SEZ6L: variants seen among roughly 807,000 people sequenced by gnomAD.
SEZ6L encodes seizure related 6 homolog like, also known as seizure 6-like protein.
A neutral mutation model predicts 106.2 loss-of-function variants in SEZ6L; 37 were observed. That is an observed-to-expected ratio of 0.35 (90% CI 0.27 to 0.46). SEZ6L has a LOEUF of 0.46. Ranked by LOEUF, SEZ6L falls within the 20% of genes least tolerant of loss-of-function variation. The pLI is 1.00. For synonymous variants in SEZ6L, 541 were observed against 570.4 expected, an observed-to-expected ratio of 0.95 and a Z score of 0.73; for missense variants, 1,172 against 1,332.8, an observed-to-expected ratio of 0.88 and a Z score of 1.88.
At chr22:26,218,920 G>A (rs943658060) in intron 1 of SEZ6L, among the ~76,000 whole-genome samples, 8 of 151,992 alleles carry the variant, frequency 5.3e-5, no homozygotes, top group East Asian at 1.9e-4. Flanking sequence ...CCTAGGCAAC[G>A]GAATGAGACT....
chr22:26,332,401 C>T (rs190247262), intron 9 of SEZ6L, among the ~76,000 whole-genome samples: 22 of 151,814 alleles, frequency 1.4e-4, no homozygotes, highest in African/African-American at 4.1e-4. Context: ...TCACTCACCT[C>T]GGCCTCCCAA....
intron 1 of SEZ6L, among the ~76,000 whole-genome samples, chr22:26,231,940 A>G (rs2207606): frequency 0.21 from 31,805 of 152,132 alleles, 3,653 homozygotes; most frequent in East Asian, 0.42. Flanking sequence ...CATGAGGGAC[A>G]TGCAAGTGGA....
intron 1 of SEZ6L, among the ~76,000 whole-genome samples, chr22:26,258,921 T>C (rs757797112): frequency 6.6e-6 from 1 of 152,156 alleles, no homozygotes; most frequent in Non-Finnish European, 1.5e-5. Context: ...AAAATCATCA[T>C]GGAAGGAGGA....
intron 1 of SEZ6L, among the ~76,000 whole-genome samples, chr22:26,277,201 C>T (rs1244158693): frequency 2.0e-5 from 3 of 151,212 alleles, no homozygotes. Flanking sequence ...TGGGCTCAAG[C>T]AATCCTCCCA....
chr22:26,343,216 C>T (rs2082899890), intron 10 of SEZ6L, among the ~76,000 whole-genome samples: 1 of 151,936 alleles, frequency 6.6e-6, no homozygotes, highest in Non-Finnish European at 1.5e-5. Flanking sequence ...CTGTCTCTCT[C>T]CTTAGACGTC....
chr22:26,349,105 A>G (rs951848451), intron 11 of SEZ6L, among the ~76,000 whole-genome samples: 6 of 152,138 alleles, frequency 3.9e-5, no homozygotes, highest in Non-Finnish European at 7.4e-5. Context: ...GTGGGCAAAT[A>G]AATTTGAATT....
Position 26,169,752 on chromosome 22 carries a change from C to G in SEZ6L, c.83C>G (p.Ala28Gly). Residue 28 changes from alanine (A) to glycine (G), a missense_variant, in exon 1 of 17, where the codon GCG becomes GGG. Around this residue, in one of 4 missense-constraint regions of SEZ6L, gnomAD observed 494 missense variants for 445.8 expected, o/e 1.11. Coordinates refer to ENST00000248933, the MANE Select transcript of SEZ6L (RefSeq NM_021115.5). ...LALLLGSPAA[A>G]LERDALPEGD... ...CTGCTCCTGGGGAGCCCGGCGGCAG[C>G]GCTGGAGCGAGGTAAGCGCCCCGAG... is the stretch of plus-strand genomic sequence containing the variant. The G allele has an allele frequency of 1.6e-6, 2 of 1,253,396 alleles. No individual in the cohort carries two copies. Among genetic ancestry groups the G allele is most frequent in the South Asian group, 3.2e-5 (1 of 31,508 alleles). The allele number at this position is 1,253,396 out of a possible 1,614,324, so 77.6% of individuals were successfully genotyped here.
intron 1 of SEZ6L, among the ~76,000 whole-genome samples, chr22:26,234,936 A>AG (rs2078913478): frequency 6.6e-6 from 1 of 152,202 alleles, no homozygotes; most frequent in Non-Finnish European, 1.5e-5. Flanking sequence ...TCAACAGGGT[A>AG]GAGATACCCC....
chr22:26,364,080 T>A lies in SEZ6L; in HGVS notation c.2600-1292T>A, dbSNP rs369710686. On this transcript the variant is annotated intron_variant, in intron 12 of 16. Coordinates refer to ENST00000248933, the MANE Select transcript of SEZ6L (RefSeq NM_021115.5). ...GTTCTGGACATAAGTTGCCCAACAA[T>A]GTAAAAGTACACTAACCTACTGGAC... 2.6e-5 allele frequency among the ~76,000 whole-genome samples: 4 copies of A among 152,348 alleles called. No individual in the cohort carries two copies. In the East Asian group the frequency reaches 5.8e-4, roughly 22 times the overall value.
intron 13 of SEZ6L, among the ~76,000 whole-genome samples, chr22:26,368,637 T>C (rs1050359025): frequency 6.6e-6 from 1 of 152,188 alleles, no homozygotes; most frequent in African/African-American, 2.4e-5. Flanking sequence ...GAACATGTTT[T>C]GGAACTAGGC....
chr22:26,370,405 A>AC (rs2083990272), intron 13 of SEZ6L, among the ~76,000 whole-genome samples: 1 of 151,892 alleles, frequency 6.6e-6, no homozygotes, highest in African/African-American at 2.4e-5. Flanking sequence ...AAGAAAAAAA[A>AC]CCCTAAATAA....
intron 1 of SEZ6L, among the ~76,000 whole-genome samples, chr22:26,224,896 C>A (rs1458996038): frequency 6.6e-6 from 1 of 152,310 alleles, no homozygotes; most frequent in African/African-American, 2.4e-5. Flanking sequence ...CCACATGACT[C>A]TGCAGCCATC....
chr22:26,381,406 A>C lies in SEZ6L; in HGVS notation c.*1111A>C, dbSNP rs904924175. On this transcript the variant is annotated 3_prime_UTR_variant, in exon 17 of 17. Transcript: ENST00000248933. ...TCAGGGGGCGGGAGGGTCCCATGAGAAGAAACTATTTTTCTATTCTCCAAA... is the reference window on the plus strand; with the variant it reads ...TCAGGGGGCGGGAGGGTCCCATGAGCAGAAACTATTTTTCTATTCTCCAAA... 1 of 152,254 alleles carries C rather than the reference A, an allele frequency of 6.6e-6. No homozygotes were observed. The highest frequency in any genetic ancestry group is 1.5e-5 in the Non-Finnish European group (1 of 68,098). The allele number at this position is 152,254 out of a possible 1,614,324, so 9.4% of individuals were successfully genotyped here.
At chr22:26,220,191 C>T (rs1287565651) in intron 1 of SEZ6L, among the ~76,000 whole-genome samples, 1 of 152,154 alleles carries the variant, frequency 6.6e-6, no homozygotes, top group African/African-American at 2.4e-5. Context: ...GCCACAGATG[C>T]CATATCTGCA....
intron 1 of SEZ6L, among the ~76,000 whole-genome samples, chr22:26,274,619 C>G (rs1164024070): frequency 1.3e-5 from 2 of 152,168 alleles, no homozygotes; most frequent in Non-Finnish European, 2.9e-5. Context: ...TTAGAAAAGC[C>G]ATCATACCCA....
At chr22:26,239,363 G>A (rs954500038) in intron 1 of SEZ6L, among the ~76,000 whole-genome samples, 1 of 152,214 alleles carries the variant, frequency 6.6e-6, no homozygotes, top group African/African-American at 2.4e-5. Flanking sequence ...CAGTTAGCCA[G>A]CAAGTTCTTT....
chr22:26,292,811 C>T lies in SEZ6L; in HGVS notation c.500C>T (p.Pro167Leu), dbSNP rs200003656. Residue 167 changes from proline to leucine, a missense_variant, in exon 2 of 17, where the codon CCG (proline) becomes CTG (leucine). This residue lies in a region of SEZ6L where 494 missense variants were observed against 445.8 expected (regional missense o/e 1.11). Coordinates refer to ENST00000248933, the MANE Select transcript of SEZ6L (RefSeq NM_021115.5). Reference protein sequence around the residue: ...LSSSTEKPGPPGDPDPIVASE... With the variant: ...LSSSTEKPGPLGDPDPIVASE... ...TCCTCCACGGAGAAGCCTGGCCCAC[C>T]GGGGGACCCGGACCCCATCGTGGCC... 17 of 1,613,944 alleles carry T rather than the reference C, an allele frequency of 1.1e-5. No individual in the cohort carries two copies. The East Asian group carries it at 2.0e-4, about 19-fold the overall frequency.
At chr22:26,249,112 G>T (rs571005447) in intron 1 of SEZ6L, among the ~76,000 whole-genome samples, 1 of 152,254 alleles carries the variant, frequency 6.6e-6, no homozygotes, top group African/African-American at 2.4e-5. Flanking sequence ...GTACACAAAT[G>T]ATCAAATCAG....
intron 1 of SEZ6L, among the ~76,000 whole-genome samples, chr22:26,276,162 T>C (rs1398291662): frequency 1.3e-5 from 2 of 152,260 alleles, no homozygotes; most frequent in African/African-American, 4.8e-5. Flanking sequence ...GCCTCTTAAA[T>C]GAGACCAATT....
Sources: gnomAD v4.1 joint callset for allele counts (sites outside exome capture counted in the v4.1 genomes callset) on GRCh38, gnomAD v4.1.1 for gene constraint, gnomAD v4.1.1 regional missense constraint, MANE v1.5 for transcripts, NCBI Gene and HGNC (gene_info 2026-07-23, HGNC 2026-07-21) for gene names.